RSAD2: variants seen among roughly 807,000 people sequenced by gnomAD.
RSAD2 encodes S-adenosylmethionine-dependent nucleotide dehydratase RSAD2.
RSAD2 carries 38 observed loss-of-function variants against 37.7 expected under a neutral mutation model. The observed-to-expected ratio is 1.01, with a 90% CI of 0.78 to 1.32. The LOEUF is 1.32. RSAD2 is among the 40% of genes most tolerant of loss of function. The pLI is 0.00. For synonymous variants in RSAD2, 163 were observed against 157.4 expected (o/e 1.04, Z -0.27); for missense variants, 428 against 437.5 (o/e 0.98, Z 0.19).
chr2:6,877,396 G>A (rs755040208), upstream of RSAD2, among the ~76,000 whole-genome samples: 2 of 152,182 alleles, frequency 1.3e-5, no homozygotes, highest in African/African-American at 4.8e-5. Context: ...AGCAAAAACT[G>A]TTACTTGGCT....
At chr2:6,869,943 G>C (rs750928238) in intron 1 of RSAD2, among the ~76,000 whole-genome samples, 1 of 152,160 alleles carries the variant, frequency 6.6e-6, no homozygotes, top group Non-Finnish European at 1.5e-5. Flanking sequence ...GAGCTCTCCT[G>C]GGTCAACCAA....
In RSAD2 at chr2:6,887,121, A is replaced by T. The variant is rs754135159; in HGVS notation, c.695A>T (p.Asp232Val). The change falls in exon 3 of 6, where the codon GAC becomes GTC. Residue 232 changes from aspartate (D) to valine (V), a missense_variant. By Grantham distance (152) the Asp-to-Val change is radical. Coordinates refer to ENST00000382040, the MANE Select transcript of RSAD2 (RefSeq NM_080657.5). ...ATTAATCGTTTCAACGTGGAAGAGGACATGACGGAACAGATCAAAGCACTA... is the reference window on the plus strand; with the variant it reads ...ATTAATCGTTTCAACGTGGAAGAGGTCATGACGGAACAGATCAAAGCACTA... The part of the protein sequence containing the change: ...SVINRFNVEE[D>V]MTEQIKALNP... The T allele has an allele frequency of 8.1e-6, 13 of 1,614,078 alleles. No individual in the cohort carries two copies. Among genetic ancestry groups the T allele is most frequent in the Non-Finnish European group, 1.1e-5 (13 of 1,179,926 alleles).
chr2:6,884,405 T>C (rs1663474808), intron 2 of RSAD2, among the ~76,000 whole-genome samples: 2 of 152,078 alleles, frequency 1.3e-5, no homozygotes, highest in East Asian at 1.9e-4. Context: ...AAAATGGTAG[T>C]GAAGGGAGGC....
chr2:6,868,051 G>A (rs1301915617), intron 1 of RSAD2, among the ~76,000 whole-genome samples: 6 of 152,152 alleles, frequency 3.9e-5, no homozygotes, highest in Admixed American at 3.9e-4. Flanking sequence ...AGGTGGAAAG[G>A]AGAGAAGCTG....
intron 1 of RSAD2, among the ~76,000 whole-genome samples, chr2:6,870,675 C>A (rs528822679): frequency 8.5e-5 from 13 of 152,200 alleles, no homozygotes; most frequent in Non-Finnish European, 1.5e-4. Flanking sequence ...TAGGAGGAAG[C>A]CTTTCCAGCC....
rs559972626 is a variant in RSAD2 at position 6,887,844 on chromosome 2, T to C, written c.738+680T>C. Among the ~76,000 whole-genome samples, 3 of 152,342 alleles carry C rather than the reference T, an allele frequency of 2.0e-5. No individual in the cohort carries two copies. The South Asian group carries it at 6.2e-4, about 32-fold the overall frequency. ...TGAAGGTAAGCATAGCAGGGAGGGC[T>C]TGCACAAACGTGTATTTCTAACAAG... On this transcript the variant is annotated intron_variant, in intron 3 of 5. Coordinates refer to ENST00000382040, the MANE Select transcript of RSAD2 (RefSeq NM_080657.5).
intron 1 of RSAD2, among the ~76,000 whole-genome samples, chr2:6,879,872 A>G (rs901910648): frequency 6.6e-6 from 1 of 152,186 alleles, no homozygotes; most frequent in Admixed American, 6.5e-5. Flanking sequence ...TCAGAAAGCC[A>G]GGGTTTGAGT....
At position 6,895,762 on chromosome 2, in the gene RSAD2, G is replaced by T; in HGVS notation, c.922-16G>T. On this transcript the variant is annotated splice_polypyrimidine_tract_variant and intron_variant, in intron 5 of 5. Coordinates refer to ENST00000382040, the MANE Select transcript of RSAD2 (RefSeq NM_080657.5). ...ATCACATGGAAATATACCAGTTTCTGTTATGAATTTTCTAGATGCGCTTTC... is the reference window on the plus strand; with the variant it reads ...ATCACATGGAAATATACCAGTTTCTTTTATGAATTTTCTAGATGCGCTTTC... 1 of 1,607,732 alleles carries T rather than the reference G, an allele frequency of 6.2e-7. No individual in the cohort carries two copies. Among genetic ancestry groups the T allele is most frequent in the Non-Finnish European group, 8.5e-7 (1 of 1,176,212 alleles).
Position 6,886,931 on chromosome 2 carries a change from T to A in RSAD2, c.509-4T>A. The A allele has an allele frequency of 6.2e-7, 1 of 1,611,040 alleles. No homozygotes were observed. Among genetic ancestry groups the A allele is most frequent in the South Asian group, 1.1e-5 (1 of 91,016 alleles). On this transcript the variant is annotated splice_polypyrimidine_tract_variant and splice_region_variant and intron_variant, in intron 2 of 5. Transcript: ENST00000382040. The stretch of plus-strand genomic sequence containing the variant: ...AAAGTTTAAACATGATCATTTTCCC[T>A]CAGGTGAGTATTTGGACATTCTCGC...
Position 6,896,135 on chromosome 2 carries a change from C to T in RSAD2, c.*193C>T. On this transcript the variant is annotated 3_prime_UTR_variant, in exon 6 of 6. Transcript: ENST00000382040. ...TAGCAAATCCTGAGACAATGGAAAA[C>T]CATTAACTTTACTTCATTGGCTTAT... 1 of 522,516 alleles carries T rather than the reference C, an allele frequency of 1.9e-6. No individual in the cohort carries two copies. Among genetic ancestry groups the T allele is most frequent in the Non-Finnish European group, 3.4e-6 (1 of 296,228 alleles). The allele number at this position is 522,516 out of a possible 1,614,324, so 32.4% of individuals were successfully genotyped here.
rs532844509 is a variant in RSAD2 at position 6,877,920 on chromosome 2, G to T, written c.120G>T (p.Trp40Cys). 10 of 1,614,076 alleles carry T rather than the reference G, an allele frequency of 6.2e-6. No homozygotes were observed. In the African/African-American group the frequency reaches 6.7e-5, roughly 11 times the overall value. ...PLFCWLRATF[W>C]LLATKRRKQQ... ...TCTGCTGGCTGAGGGCAACCTTCTGGCTGCTAGCTACCAAGAGGAGAAAGC... is the reference window on the plus strand; with the variant it reads ...TCTGCTGGCTGAGGGCAACCTTCTGTCTGCTAGCTACCAAGAGGAGAAAGC... Residue 40 changes from tryptophan (W) to cysteine (C), a missense_variant, in exon 1 of 6, where the codon TGG (tryptophan) becomes TGT (cysteine). By Grantham distance (215) the Trp-to-Cys change is radical (BLOSUM62 -2). Coordinates refer to ENST00000382040, the MANE Select transcript of RSAD2 (RefSeq NM_080657.5).
intron 1 of RSAD2, among the ~76,000 whole-genome samples, chr2:6,882,271 AC>A (rs1663420556): frequency 6.6e-6 from 1 of 152,110 alleles, no homozygotes; most frequent in South Asian, 2.1e-4. Context: ...GAAGAAGAAA[AC>A]GTCCAAAAAA....
At chr2:6,885,291 A>T (rs1663496159) in intron 2 of RSAD2, among the ~76,000 whole-genome samples, 1 of 152,154 alleles carries the variant, frequency 6.6e-6, no homozygotes, top group South Asian at 2.1e-4. Context: ...GGTCCATTTG[A>T]GTCTTAGGGT....
At chr2:6,867,347 G>C (rs1161777511) in intron 1 of RSAD2, among the ~76,000 whole-genome samples, 1 of 152,178 alleles carries the variant, frequency 6.6e-6, no homozygotes, top group Non-Finnish European at 1.5e-5. Context: ...TTCTCTCTGT[G>C]TTCTCACGGG....
intron 1 of RSAD2, among the ~76,000 whole-genome samples, chr2:6,879,368 C>T (rs1663354649): frequency 6.6e-6 from 1 of 152,118 alleles, no homozygotes; most frequent in East Asian, 1.9e-4. Context: ...GCATCGTTGT[C>T]AAGGCCCCTG....
At chr2:6,892,619 C>A (rs1241650111) in intron 4 of RSAD2, among the ~76,000 whole-genome samples, 4 of 152,198 alleles carry the variant, frequency 2.6e-5, no homozygotes, top group South Asian at 4.1e-4. Flanking sequence ...GCCCACAAAC[C>A]TTTTAGCCAG....
chr2:6,891,455 G>T (rs1266350968), intron 4 of RSAD2, among the ~76,000 whole-genome samples: 1 of 152,146 alleles, frequency 6.6e-6, no homozygotes, highest in Non-Finnish European at 1.5e-5. Context: ...CTTATGTAAA[G>T]ATATGTTACT....
At chr2:6,873,138 G>A (rs1558332371), upstream of RSAD2, among the ~76,000 whole-genome samples, 1 of 152,104 alleles carries the variant, frequency 6.6e-6, no homozygotes, top group Non-Finnish European at 1.5e-5. Flanking sequence ...TGACACTGCT[G>A]TCATGGCCTG....
At chr2:6,876,596 G>A (rs945022722), upstream of RSAD2, 1 of 152,192 alleles carries the variant, frequency 6.6e-6, no homozygotes, top group African/African-American at 2.4e-5. Flanking sequence ...AAGGACCTGA[G>A]ACATATCTAC....
Sources: allele counts gnomAD v4.1 joint callset (sites outside exome capture counted in the v4.1 genomes callset), GRCh38; gene constraint gnomAD v4.1.1; transcripts MANE v1.5; gene names NCBI Gene and HGNC (gene_info 2026-07-23, HGNC 2026-07-21).